Variants in ODAD2 observed in about 807,000 individuals in gnomAD.
ODAD2 encodes outer dynein arm docking complex subunit 2, also known as outer dynein arm-docking complex subunit 2.
Under a neutral mutation model 106.8 loss-of-function variants are expected in ODAD2, and 89 were observed. The observed-to-expected ratio is 0.83, with a 90% CI of 0.70 to 0.99. The LOEUF (loss-of-function observed/expected upper bound fraction) is 0.99. ODAD2 is among the 50% of genes least tolerant of loss of function. The pLI is 0.00. For missense variants in ODAD2, 1,168 were observed against 1,238.5 expected, an observed-to-expected ratio of 0.94 and a Z score of 0.85; for synonymous variants, 404 against 436.2, an observed-to-expected ratio of 0.93 and a Z score of 0.92.
intron 10 of ODAD2, among the ~76,000 whole-genome samples, chr10:27,955,175 T>C (rs1003169596): frequency 1.2e-4 from 18 of 152,196 alleles, no homozygotes; most frequent in African/African-American, 3.6e-4. Context: ...TGAGCATTGT[T>C]TTCCGTTTTC....
At chr10:27,927,709 G>C (rs1845346532) in intron 16 of ODAD2, among the ~76,000 whole-genome samples, 2 of 152,010 alleles carry the variant, frequency 1.3e-5, no homozygotes, top group Admixed American at 1.3e-4. Flanking sequence ...ACACTCTATT[G>C]CCTGTTTTTT....
chr10:27,841,556 C>A (rs563263028), intron 19 of ODAD2, among the ~76,000 whole-genome samples: 1 of 150,510 alleles, frequency 6.6e-6, no homozygotes, highest in Non-Finnish European at 1.5e-5. Flanking sequence ...CCACCATGCC[C>A]GGCTAATTTT....
Position 27,812,571 on chromosome 10 carries a change from C to A in ODAD2, c.3076G>T (p.Gly1026Cys), listed in dbSNP as rs957238905. 3 of 1,613,186 alleles carry A rather than the reference C, an allele frequency of 1.9e-6. No individual in the cohort carries two copies. Among genetic ancestry groups the A allele is most frequent in the African/African-American group, 2.7e-5 (2 of 75,002 alleles). Residue 1026 changes from glycine to cysteine, a missense_variant, in exon 20 of 20, where the codon GGT becomes TGT. Physicochemically the swap from Gly to Cys is radical, Grantham distance 159. This residue lies in a region of ODAD2 where 701 missense variants were observed against 712.3 expected (regional missense o/e 0.98). Transcript: ENST00000305242. Reference protein sequence around the residue: ...PDQDLQEAAAGCISNIRRLAL... With the variant: ...PDQDLQEAAACCISNIRRLAL... ...AGCCTGCGGATATTGGATATACAACCAGCTGCAGCTTCCTGGAGATCCTGG... is the reference window on the plus strand; with the variant it reads ...AGCCTGCGGATATTGGATATACAACAAGCTGCAGCTTCCTGGAGATCCTGG...
intron 19 of ODAD2, among the ~76,000 whole-genome samples, chr10:27,816,386 T>C (rs181663726): frequency 9.2e-5 from 14 of 152,340 alleles, no homozygotes; most frequent in African/African-American, 2.9e-4. Context: ...GAGGGGCTCA[T>C]GCCTTGGGAG....
chr10:27,962,209 C>T (rs1848189208), intron 9 of ODAD2, among the ~76,000 whole-genome samples: 1 of 152,162 alleles, frequency 6.6e-6, no homozygotes, highest in Non-Finnish European at 1.5e-5. Flanking sequence ...ATGTCCTAAG[C>T]CTGCGCTTTT....
intron 11 of ODAD2, 52 bp downstream of exon 11, chr10:27,944,764 G>T: frequency 1.2e-6 from 2 of 1,609,570 alleles, no homozygotes; most frequent in Admixed American, 1.7e-5. Context: ...TAAGAAGAGA[G>T]CCCAGGAAGG....
At chr10:27,918,231 C>CTACA (rs1844530771) in intron 16 of ODAD2, among the ~76,000 whole-genome samples, 1 of 151,920 alleles carries the variant, frequency 6.6e-6, no homozygotes, top group South Asian at 2.1e-4. Flanking sequence ...GGAAAGAAAA[C>CTACA]TACAAATCAA....
chr10:27,965,596 C>T (rs892832675), intron 9 of ODAD2, among the ~76,000 whole-genome samples: 2 of 152,064 alleles, frequency 1.3e-5, no homozygotes, highest in African/African-American at 4.8e-5. Context: ...GTAAGAGGAA[C>T]CCAGGAATCC....
chr10:27,909,715 G>A (rs1167919931), intron 16 of ODAD2, among the ~76,000 whole-genome samples: 2 of 151,380 alleles, frequency 1.3e-5, no homozygotes, highest in Admixed American at 6.6e-5. Flanking sequence ...CTACTCAGGA[G>A]GCTGAGGCAG....
At chr10:27,864,875 T>A (rs1457985108) in intron 17 of ODAD2, among the ~76,000 whole-genome samples, 2 of 152,138 alleles carry the variant, frequency 1.3e-5, no homozygotes, top group Admixed American at 6.5e-5. Flanking sequence ...CAGTTAAACC[T>A]CACAGGAATC....
In ODAD2 at chr10:27,951,487, G is replaced by A. The variant is rs573984153; in HGVS notation, c.1387-6525C>T. ...AGAATTTGATGAAGGTGGTATCCCA[G>A]ATTATTGGAGGGAAAAGCAGATAGG... On this transcript the variant is annotated intron_variant, in intron 10 of 19. Transcript: ENST00000305242. Among the ~76,000 whole-genome samples, 3 of 152,260 alleles carry A rather than the reference G, an allele frequency of 2.0e-5. No individual in the cohort carries two copies. In the South Asian group the frequency reaches 6.2e-4, roughly 32 times the overall value.
intron 19 of ODAD2, among the ~76,000 whole-genome samples, chr10:27,841,458 C>T (rs1346051821): frequency 2.0e-5 from 3 of 151,726 alleles, no homozygotes; most frequent in African/African-American, 4.8e-5. Flanking sequence ...TGCAGTGGTG[C>T]GATCTCAGCT....
chr10:27,950,128 C>G (rs1847228646), intron 10 of ODAD2, among the ~76,000 whole-genome samples: 1 of 152,170 alleles, frequency 6.6e-6, no homozygotes, highest in African/African-American at 2.4e-5. Flanking sequence ...CATGGCCATC[C>G]AGCTGGCTTT....
chr10:27,983,863 C>G lies in ODAD2; in HGVS notation c.799G>C (p.Gly267Arg). 6.2e-7 allele frequency: 1 copy of G among 1,613,318 alleles called. No homozygotes were observed. The highest frequency in any genetic ancestry group is 8.5e-7 in the Non-Finnish European group (1 of 1,179,816). The stretch of plus-strand genomic sequence containing the variant: ...CTTACACCATTTAAAAATACTCCTC[C>G]TGCACTGCAAGTAATGCACAGAGTC... ...GETLCITCSA[G>R]GVFLNGGKTD... The change falls in exon 6 of 20, where the codon GGA (glycine) becomes CGA (arginine). Residue 267 changes from glycine to arginine, a missense_variant. By Grantham distance (125) the Gly-to-Arg change is moderately radical. Transcript: ENST00000305242.
At chr10:27,978,279 A>G (rs1849319218) in intron 7 of ODAD2, among the ~76,000 whole-genome samples, 1 of 152,236 alleles carries the variant, frequency 6.6e-6, no homozygotes, top group South Asian at 2.1e-4. Context: ...ACCAAGGAAG[A>G]TCCTAAAGGC....
At chr10:27,843,189 T>A (rs1018513157) in intron 19 of ODAD2, among the ~76,000 whole-genome samples, 33 of 152,308 alleles carry the variant, frequency 2.2e-4, no homozygotes, top group Non-Finnish European at 3.5e-4. Context: ...TTTATTTTTT[T>A]AAAAAATAAG....
Position 27,941,144 on chromosome 10 carries a change from C to T in ODAD2, c.1744-339G>A, listed in dbSNP as rs1449635938. On this transcript the variant is annotated intron_variant, in intron 12 of 19. Transcript: ENST00000305242. ...TCTCAGAAAACTAGCTTCCCTAAAACCATTAGCACTTTCTAAGGAGAACTG... is the reference window on the plus strand; with the variant it reads ...TCTCAGAAAACTAGCTTCCCTAAAATCATTAGCACTTTCTAAGGAGAACTG... Among the ~76,000 whole-genome samples the T allele has an allele frequency of 3.3e-5, 5 of 152,098 alleles. 1 individual carries two copies.
In ODAD2 at chr10:27,934,668, G is replaced by A. The variant is rs7913482; in HGVS notation, c.2495+342C>T. 4.0e-3 allele frequency among the ~76,000 whole-genome samples: 611 copies of A among 152,158 alleles called. 7 individuals are homozygous for A. The highest frequency in any genetic ancestry group is 0.014 in the African/African-American group (567 of 41,530). Reference sequence around the variant, plus strand: ...GTGAGAAACAAGAAGGCTACTATGAGAATGTACCTGACACTCTCTAGGAGC... The same window carrying A: ...GTGAGAAACAAGAAGGCTACTATGAAAATGTACCTGACACTCTCTAGGAGC... On this transcript the variant is annotated intron_variant, in intron 16 of 19. Transcript: ENST00000305242.
At chr10:27,943,447 A>G (rs182218051) in intron 12 of ODAD2, among the ~76,000 whole-genome samples, 2 of 152,118 alleles carry the variant, frequency 1.3e-5, no homozygotes, top group Admixed American at 1.3e-4. Flanking sequence ...TCCTGTCATG[A>G]TTTTATACAA....
Sources: allele counts gnomAD v4.1 joint callset (sites outside exome capture counted in the v4.1 genomes callset), GRCh38; gene constraint gnomAD v4.1.1; regional missense constraint gnomAD v4.1.1; transcripts MANE v1.5; gene names NCBI Gene and HGNC (gene_info 2026-07-23, HGNC 2026-07-21).